BFSP2: variants seen among roughly 807,000 people sequenced by gnomAD.
BFSP2 encodes the protein beaded filament structural protein 2.
Under a neutral mutation model 44.9 loss-of-function variants are expected in BFSP2, and 38 were observed. That is an observed-to-expected ratio of 0.85 (90% CI 0.65 to 1.11). BFSP2 has a LOEUF of 1.11. BFSP2 is among the 50% of genes least tolerant of loss of function. The pLI is 0.00. For synonymous variants in BFSP2, 197 were observed against 209.9 expected, an observed-to-expected ratio of 0.94 and a Z score of 0.53; for missense variants, 525 against 533.0, an observed-to-expected ratio of 0.99 and a Z score of 0.15.
intron 4 of BFSP2, among the ~76,000 whole-genome samples, chr3:133,458,391 C>T (rs1346993593): frequency 7.9e-5 from 12 of 152,164 alleles, no homozygotes; most frequent in Non-Finnish European, 2.9e-5. Context: ...CTCTTCTTTT[C>T]TCTAGTTAAG....
chr3:133,416,521 G>A (rs200571455), intron 1 of BFSP2, among the ~76,000 whole-genome samples: 1 of 131,450 alleles, frequency 7.6e-6, no homozygotes, highest in African/African-American at 3.1e-5. Context: ...ACTGACCCCT[G>A]TTCTCTCCCC....
At chr3:133,471,484 G>T (rs1338236458) in intron 5 of BFSP2, among the ~76,000 whole-genome samples, 2 of 152,238 alleles carry the variant, frequency 1.3e-5, no homozygotes, top group Non-Finnish European at 2.9e-5. Flanking sequence ...GAGCCAGCAG[G>T]TTCAGGAGGC....
chr3:133,463,650 G>A (rs2107937967), intron 4 of BFSP2, among the ~76,000 whole-genome samples: 1 of 152,312 alleles, frequency 6.6e-6, no homozygotes, highest in Non-Finnish European at 1.5e-5. Context: ...GCCTTTTAGT[G>A]TGCATGCTTG....
intron 1 of BFSP2, among the ~76,000 whole-genome samples, chr3:133,425,548 G>A (rs887842823): frequency 3.9e-5 from 6 of 152,092 alleles, no homozygotes; most frequent in African/African-American, 7.2e-5. Flanking sequence ...CATCACACTC[G>A]TTTTAAGCCA....
intron 1 of BFSP2, among the ~76,000 whole-genome samples, chr3:133,408,607 G>C (rs538999723): frequency 1.6e-4 from 25 of 152,190 alleles, no homozygotes; most frequent in Non-Finnish European, 3.7e-4. Flanking sequence ...CAAAATACTG[G>C]AAAAATCCAA....
At position 133,400,679 on chromosome 3, in the gene BFSP2, C is replaced by G. The variant is rs1342459462; in HGVS notation, c.489+107C>G. 2.7e-6 allele frequency: 4 copies of G among 1,479,642 alleles called. No homozygotes were observed. The highest frequency in any genetic ancestry group is 2.4e-4 in the Middle Eastern group (1 of 4,220). 91.7% of individuals were successfully genotyped at this position (1,479,642 alleles called of 1,614,324 possible). ...TGAGGCCAGAGAAACTGACCATAAT[C>G]CCCTACACTTTCACACTTAAAATGG... On this transcript the variant is annotated intron_variant, in intron 1 of 6. Coordinates refer to ENST00000302334, the MANE Select transcript of BFSP2 (RefSeq NM_003571.4). The surrounding 1 kb of genome is among the most constrained non-coding windows in gnomAD (Gnocchi z 4.0).
chr3:133,439,866 C>T (rs188930910), intron 1 of BFSP2, among the ~76,000 whole-genome samples: 412 of 152,162 alleles, frequency 2.7e-3, no homozygotes, highest in African/African-American at 9.3e-3. Flanking sequence ...TTCCAATCTG[C>T]ATCTGAGTAA....
At chr3:133,452,812 C>T (rs1272528938) in intron 4 of BFSP2, among the ~76,000 whole-genome samples, 1 of 152,150 alleles carries the variant, frequency 6.6e-6, no homozygotes, top group Non-Finnish European at 1.5e-5. Flanking sequence ...TGTCCCAGCC[C>T]TCCTGCGGTG....
At chr3:133,401,014 A>G (rs2073358849) in intron 1 of BFSP2, among the ~76,000 whole-genome samples, 1 of 152,208 alleles carries the variant, frequency 6.6e-6, no homozygotes, top group Admixed American at 6.5e-5. Flanking sequence ...TTATCCAATC[A>G]AATACCATTG....
chr3:133,431,056 T>A (rs552659278), intron 1 of BFSP2, among the ~76,000 whole-genome samples: 2 of 130,260 alleles, frequency 1.5e-5, no homozygotes, highest in Non-Finnish European at 1.7e-5. Context: ...TCATCAAATA[T>A]AAAAAACCCA....
chr3:133,411,902 G>A (rs2073457818), intron 1 of BFSP2, among the ~76,000 whole-genome samples: 1 of 152,130 alleles, frequency 6.6e-6, no homozygotes, highest in Admixed American at 6.5e-5. Context: ...TAACATATCA[G>A]CCCATCAAAA....
In BFSP2 at chr3:133,448,612, AGAACTTG is replaced by A. The variant is rs2073926000; in HGVS notation, c.698_704del (p.Glu233AlafsTer11). On this transcript the variant is annotated frameshift_variant, in exon 3 of 7. Transcript: ENST00000302334. LOFTEE classifies it high-confidence loss of function. ...AGAGTCAAATAGAAAGTCTGAAAGAAGAACTTGGCTCTCTATCAAGAAACTATGAAGA... is the reference window on the plus strand; with the variant it reads ...AGAGTCAAATAGAAAGTCTGAAAGAAGCTCTCTATCAAGAAACTATGAAGA... The A allele has an allele frequency of 1.9e-6, 3 of 1,614,040 alleles. No individual in the cohort carries two copies. The highest frequency in any genetic ancestry group is 2.5e-6 in the Non-Finnish European group (3 of 1,179,974).
chr3:133,431,894 T>TTAAC (rs1576574849), intron 1 of BFSP2, among the ~76,000 whole-genome samples: 3 of 152,058 alleles, frequency 2.0e-5, no homozygotes, highest in South Asian at 2.1e-4. Context: ...CCGAGACACT[T>TTAAC]TAAATTATCT....
intron 2 of BFSP2, 57 bp downstream of exon 2, chr3:133,447,456 T>C: frequency 6.5e-7 from 1 of 1,550,308 alleles, no homozygotes; most frequent in Non-Finnish European, 8.8e-7. Context: ...CCTAGGCAAG[T>C]GTGGATAATG....
intron 1 of BFSP2, among the ~76,000 whole-genome samples, chr3:133,414,179 C>G (rs2073483917): frequency 8.0e-6 from 1 of 125,028 alleles, no homozygotes; most frequent in Non-Finnish European, 1.7e-5. Context: ...CCCCTGCCCT[C>G]TCTCCCCTAC....
intron 1 of BFSP2, among the ~76,000 whole-genome samples, chr3:133,409,293 G>A (rs2073429321): frequency 6.6e-6 from 1 of 151,774 alleles, no homozygotes; most frequent in South Asian, 2.1e-4. Context: ...CTATATTTGT[G>A]TTATTGAAAA....
chr3:133,415,394 ACCCCTCTACTCACCCCTGTCCTCT>A (rs2073512113), intron 1 of BFSP2, among the ~76,000 whole-genome samples: 1 of 32,720 alleles, frequency 3.1e-5, no homozygotes, highest in Non-Finnish European at 5.8e-5. Context: ...CCCTCCACAA[ACCCCTCTACTCACCCCTGTCCTCT>A]CCCCTCTACT....
intron 1 of BFSP2, among the ~76,000 whole-genome samples, chr3:133,431,578 G>A (rs1237142182): frequency 2.6e-5 from 4 of 152,080 alleles, no homozygotes; most frequent in Non-Finnish European, 5.9e-5. Flanking sequence ...ACTCCTTCTT[G>A]GCTTAGCGGC....
chr3:133,420,635 G>A (rs2073584119), intron 1 of BFSP2, among the ~76,000 whole-genome samples: 1 of 152,194 alleles, frequency 6.6e-6, no homozygotes, highest in Non-Finnish European at 1.5e-5. Context: ...CTTACAGCAA[G>A]CAGGCATCCT....
Sources: gnomAD v4.1 joint callset for allele counts (sites outside exome capture counted in the v4.1 genomes callset) on GRCh38, gnomAD v4.1.1 for gene constraint, Gnocchi (gnomAD v3.1) non-coding constraint, MANE v1.5 for transcripts, NCBI Gene and HGNC (gene_info 2026-07-23, HGNC 2026-07-21) for gene names.